The following ULK4 variants were observed in gnomAD, a reference collection of about 807,000 sequenced individuals.
The protein encoded by ULK4 is inactive serine/threonine-protein kinase ULK4.
ULK4 carries 133 observed loss-of-function variants against 160.6 expected under a neutral mutation model. That is an observed-to-expected ratio of 0.83 (90% CI 0.72 to 0.96). The LOEUF (loss-of-function observed/expected upper bound fraction) is 0.96. ULK4 is among the 40% of genes least tolerant of loss of function. ULK4 has a pLI of 0.00. For missense variants in ULK4, 1,580 were observed against 1,499.5 expected, an observed-to-expected ratio of 1.05 and a Z score of -0.89; for synonymous variants, 534 against 539.8, an observed-to-expected ratio of 0.99 and a Z score of 0.15.
chr3:41,269,963 A>T (rs1037798665), intron 35 of ULK4, among the ~76,000 whole-genome samples: 1 of 152,168 alleles, frequency 6.6e-6, no homozygotes, highest in East Asian at 1.9e-4. Flanking sequence ...GTATGAACTG[A>T]CATGTGCGAA....
At chr3:41,612,729 T>A (rs984693426) in intron 31 of ULK4, among the ~76,000 whole-genome samples, 4 of 152,152 alleles carry the variant, frequency 2.6e-5, no homozygotes, top group African/African-American at 9.7e-5. Flanking sequence ...AAATTCAGAA[T>A]TGTAGTCCCT....
At chr3:41,690,829 G>A (rs143816218) in intron 27 of ULK4, among the ~76,000 whole-genome samples, 2 of 151,966 alleles carry the variant, frequency 1.3e-5, no homozygotes, top group East Asian at 3.9e-4. Flanking sequence ...CCAGGACAGA[G>A]CACCTATATG....
chr3:41,900,658 A>G, intron 13 of ULK4, 67 bp downstream of exon 13: 2 of 1,231,930 alleles, frequency 1.6e-6, no homozygotes, highest in Non-Finnish European at 2.3e-6. Context: ...ATTCTGAATG[A>G]AAATCTCATG....
In ULK4 at chr3:41,496,587, A is replaced by T. The variant is rs147767192; in HGVS notation, c.3227-33334T>A. Among the ~76,000 whole-genome samples the T allele has an allele frequency of 2.6e-5, 4 of 152,150 alleles. No homozygotes were observed. In the East Asian group the frequency reaches 5.8e-4, roughly 22 times the overall value. ...GGAGCGACAGTTTTCCTGGTAGAGT[A>T]ATAAAGAAAATGGAGCTGCTCAGAA... On this transcript the variant is annotated intron_variant, in intron 32 of 36. Coordinates refer to ENST00000301831, the MANE Select transcript of ULK4 (RefSeq NM_017886.4).
At chr3:41,511,335 G>A (rs1181558560) in intron 32 of ULK4, among the ~76,000 whole-genome samples, 1 of 151,832 alleles carries the variant, frequency 6.6e-6, no homozygotes, top group Admixed American at 6.6e-5. Flanking sequence ...ATACAAAAGA[G>A]AAATGAAACA....
At chr3:41,508,827 C>A (rs532071258) in intron 32 of ULK4, among the ~76,000 whole-genome samples, 3 of 152,068 alleles carry the variant, frequency 2.0e-5, no homozygotes, top group South Asian at 4.1e-4. Flanking sequence ...GAACAGCAGC[C>A]CTTGAGTCCC....
chr3:41,695,542 C>T (rs2036462723), intron 27 of ULK4, among the ~76,000 whole-genome samples: 1 of 152,078 alleles, frequency 6.6e-6, no homozygotes, highest in Non-Finnish European at 1.5e-5. Flanking sequence ...TTGAAAGAAG[C>T]CAACCTGAAA....
chr3:41,356,728 G>A (rs186279659), intron 35 of ULK4, among the ~76,000 whole-genome samples: 15 of 152,294 alleles, frequency 9.8e-5, no homozygotes, highest in Admixed American at 5.2e-4. Context: ...TGGTTAGGAT[G>A]TTTCACAGGG....
intron 35 of ULK4, among the ~76,000 whole-genome samples, chr3:41,357,496 T>G (rs1040881467): frequency 6.6e-6 from 1 of 152,152 alleles, no homozygotes; most frequent in African/African-American, 2.4e-5. Flanking sequence ...TTGCATGTGG[T>G]CTGCTTCCCG....
intron 35 of ULK4, among the ~76,000 whole-genome samples, chr3:41,345,008 G>A (rs1488958842): frequency 2.0e-5 from 3 of 152,062 alleles, no homozygotes; most frequent in African/African-American, 7.2e-5. Flanking sequence ...CATACATGCA[G>A]CCAACAAATA....
At chr3:41,454,533 T>C (rs2083496099) in intron 34 of ULK4, among the ~76,000 whole-genome samples, 1 of 112,414 alleles carries the variant, frequency 8.9e-6, no homozygotes. Flanking sequence ...GAGCAAGACT[T>C]CATCTCAAAA....
At chr3:41,936,781 AGGT>A (rs1699788631) in intron 3 of ULK4, among the ~76,000 whole-genome samples, 1 of 151,982 alleles carries the variant, frequency 6.6e-6, no homozygotes, top group South Asian at 2.1e-4. Context: ...GATAGTGGGG[AGGT>A]GGTGGGGGAG....
At chr3:41,539,226 A>G (rs2086616451) in intron 32 of ULK4, among the ~76,000 whole-genome samples, 1 of 152,150 alleles carries the variant, frequency 6.6e-6, no homozygotes, top group Non-Finnish European at 1.5e-5. Flanking sequence ...TGCAGCCTTC[A>G]TTTCAACTAT....
intron 35 of ULK4, among the ~76,000 whole-genome samples, chr3:41,361,549 G>A (rs2081144583): frequency 6.6e-6 from 1 of 152,120 alleles, no homozygotes; most frequent in Admixed American, 6.6e-5. Flanking sequence ...AACTTTGAAA[G>A]CTATACAGTT....
intron 35 of ULK4, among the ~76,000 whole-genome samples, chr3:41,275,985 C>G (rs1327449160): frequency 6.6e-6 from 1 of 152,218 alleles, no homozygotes; most frequent in African/African-American, 2.4e-5. Context: ...AGAATTAGCT[C>G]CTTTGCCAGC....
chr3:41,919,597 G>T, intron 6 of ULK4, 120 bp downstream of exon 6: 3 of 823,284 alleles, frequency 3.6e-6, no homozygotes, highest in Non-Finnish European at 5.8e-6. Context: ...ACGAGACTCT[G>T]TCTCAAAATA....
intron 29 of ULK4, among the ~76,000 whole-genome samples, chr3:41,680,364 TAAATAGGAAAAAAG>T (rs2035882407): frequency 6.6e-6 from 1 of 151,940 alleles, no homozygotes; most frequent in African/African-American, 2.4e-5. Context: ...TGCAGAAGTG[TAAATAGGAAAAAAG>T]AAACAAGAGG....
intron 32 of ULK4, among the ~76,000 whole-genome samples, chr3:41,473,498 C>T (rs1202175376): frequency 1.3e-5 from 2 of 151,510 alleles, no homozygotes; most frequent in Non-Finnish European, 2.9e-5. Context: ...CCCATTTCTA[C>T]TAAAAATACA....
At chr3:41,501,839 C>T (rs1025984317) in intron 32 of ULK4, among the ~76,000 whole-genome samples, 1 of 152,126 alleles carries the variant, frequency 6.6e-6, no homozygotes, top group Non-Finnish European at 1.5e-5. Context: ...CTCACCCCTC[C>T]CCACTCCAAA....
Sources: gnomAD v4.1 joint callset for allele counts (sites outside exome capture counted in the v4.1 genomes callset) on GRCh38, gnomAD v4.1.1 for gene constraint, MANE v1.5 for transcripts, NCBI Gene and HGNC (gene_info 2026-07-23, HGNC 2026-07-21) for gene names.